Variants in GRIA4 observed in about 807,000 individuals in gnomAD.
GRIA4 encodes glutamate receptor 4.
In GRIA4, 34 loss-of-function variants were observed where a neutral mutation model predicts 104.0. The ratio of observed to expected loss-of-function variants is 0.33; its 90% CI spans 0.25 to 0.44. The LOEUF is 0.44. GRIA4 is among the 20% of genes least tolerant of loss of function. GRIA4 has a pLI of 1.00. For missense variants in GRIA4, 750 were observed against 1,096.5 expected, an observed-to-expected ratio of 0.68 and a Z score of 4.46; for synonymous variants, 386 against 381.9, an observed-to-expected ratio of 1.01 and a Z score of -0.13.
At chr11:105,892,697 T>A (rs1946500528) in intron 6 of GRIA4, among the ~76,000 whole-genome samples, 1 of 152,122 alleles carries the variant, frequency 6.6e-6, no homozygotes, top group Non-Finnish European at 1.5e-5. Context: ...GTGCTTCCCG[T>A]TTTTTAACTT....
At chr11:105,618,772 C>T (rs1950664776) in intron 3 of GRIA4, among the ~76,000 whole-genome samples, 1 of 151,610 alleles carries the variant, frequency 6.6e-6, no homozygotes, top group African/African-American at 2.4e-5. Flanking sequence ...ATGAGATCAC[C>T]CAGAGAGAGC....
intron 3 of GRIA4, among the ~76,000 whole-genome samples, chr11:105,631,225 T>C (rs1280957104): frequency 6.6e-6 from 1 of 152,100 alleles, no homozygotes; most frequent in Non-Finnish European, 1.5e-5. Context: ...GCTGTGATTA[T>C]ATTGGGAAGG....
intron 4 of GRIA4, among the ~76,000 whole-genome samples, chr11:105,785,748 G>C (rs1263040204): frequency 6.6e-6 from 1 of 152,086 alleles, no homozygotes; most frequent in Non-Finnish European, 1.5e-5. Flanking sequence ...CTAAAATCAG[G>C]TAACTAAAAC....
At chr11:105,691,296 CA>C (rs893045087) in intron 3 of GRIA4, among the ~76,000 whole-genome samples, 2 of 150,910 alleles carry the variant, frequency 1.3e-5, no homozygotes, top group African/African-American at 2.4e-5. Context: ...TGAACAACAA[CA>C]AAAAAAATTG....
At chr11:105,865,277 C>T (rs905386080) in intron 5 of GRIA4, among the ~76,000 whole-genome samples, 3 of 152,110 alleles carry the variant, frequency 2.0e-5, no homozygotes, top group African/African-American at 7.2e-5. Flanking sequence ...ATTGAAACCA[C>T]AAAGTTAGAT....
chr11:105,710,980 G>A (rs1953889074), intron 3 of GRIA4, among the ~76,000 whole-genome samples: 2 of 151,350 alleles, frequency 1.3e-5, no homozygotes, highest in Non-Finnish European at 3.0e-5. Context: ...TTTTTTTCTT[G>A]GTGGAGCCAT....
intron 4 of GRIA4, among the ~76,000 whole-genome samples, chr11:105,776,745 A>G (rs935986732): frequency 1.3e-5 from 2 of 152,160 alleles, no homozygotes; most frequent in Non-Finnish European, 2.9e-5. Context: ...CTCTCCCCAC[A>G]TAGCAGAGAG....
At position 105,786,653 on chromosome 11, in the gene GRIA4, G is replaced by A. The variant is rs145615858; in HGVS notation, c.487+33433G>A. On this transcript the variant is annotated intron_variant, in intron 4 of 16. Transcript: ENST00000282499. ...GAGGGAAAAATCTTTCCCCCAGAAA[G>A]GTTTTTTATTAAACGTGTATGTGTG... 1.2e-4 allele frequency among the ~76,000 whole-genome samples: 19 copies of A among 152,190 alleles called. 1 individual carries two copies. The East Asian group carries it at 3.5e-3, about 28-fold the overall frequency.
chr11:105,640,860 T>A (rs952116700), intron 3 of GRIA4, among the ~76,000 whole-genome samples: 1 of 152,166 alleles, frequency 6.6e-6, no homozygotes, highest in East Asian at 1.9e-4. Context: ...CTCTTTTTAA[T>A]ATGTTTCTCA....
chr11:105,744,831 G>A lies in GRIA4; in HGVS notation c.248-8150G>A, dbSNP rs114581343. 3.3e-3 allele frequency among the ~76,000 whole-genome samples: 508 copies of A among 152,164 alleles called. 4 individuals are homozygous for A. Among genetic ancestry groups the A allele is most frequent in the African/African-American group, 0.012 (479 of 41,518 alleles). The stretch of plus-strand genomic sequence containing the variant: ...CGTTCTGCTCTCTTCCCATTTCCCA[G>A]GCCCAGTGTAACCACATGTTATGTG... On this transcript the variant is annotated intron_variant, in intron 3 of 16. Transcript: ENST00000282499.
chr11:105,758,138 G>T (rs1480545588), intron 4 of GRIA4, among the ~76,000 whole-genome samples: 1 of 152,094 alleles, frequency 6.6e-6, no homozygotes, highest in African/African-American at 2.4e-5. Context: ...TGGCTACTCT[G>T]GAGGCTGAGG....
intron 4 of GRIA4, among the ~76,000 whole-genome samples, chr11:105,779,426 T>G (rs1309073102): frequency 6.6e-6 from 1 of 151,872 alleles, no homozygotes; most frequent in South Asian, 2.1e-4. Context: ...CTTCACAGAA[T>G]TGGAAAAAAC....
intron 5 of GRIA4, among the ~76,000 whole-genome samples, chr11:105,879,057 G>A (rs1945947873): frequency 1.3e-5 from 2 of 152,230 alleles, no homozygotes; most frequent in African/African-American, 2.4e-5. Flanking sequence ...TGCAGGTTGT[G>A]AAGACTGTGG....
chr11:105,968,498 C>T (rs374660537), intron 14 of GRIA4, among the ~76,000 whole-genome samples: 1 of 152,198 alleles, frequency 6.6e-6, no homozygotes, highest in South Asian at 2.1e-4. Flanking sequence ...CAGCCACTCT[C>T]AGTGCTGTGA....
At chr11:105,640,028 TGG>T (rs1951315885) in intron 3 of GRIA4, among the ~76,000 whole-genome samples, 2 of 151,958 alleles carry the variant, frequency 1.3e-5, no homozygotes, top group African/African-American at 4.8e-5. Flanking sequence ...AAATGATTAA[TGG>T]GAAAAATAGG....
chr11:105,763,743 A>G (rs1014941762), intron 4 of GRIA4, among the ~76,000 whole-genome samples: 3 of 152,176 alleles, frequency 2.0e-5, no homozygotes, highest in Non-Finnish European at 2.9e-5. Flanking sequence ...TGTCATTGCC[A>G]TTTGGAAGGT....
rs536092814 is a variant in GRIA4 at position 105,708,792 on chromosome 11, G to A, written c.248-44189G>A. ...AGGAAAGGCTAGAATAAGCACTCCT[G>A]TGTTGGGTTGAAATAAGAATGAGTT... On this transcript the variant is annotated intron_variant, in intron 3 of 16. Coordinates refer to ENST00000282499, the MANE Select transcript of GRIA4 (RefSeq NM_000829.4). Among the ~76,000 whole-genome samples, 3 of 152,104 alleles carry A rather than the reference G, an allele frequency of 2.0e-5. No homozygotes were observed. The South Asian group carries it at 6.2e-4, about 31-fold the overall frequency.
intron 3 of GRIA4, among the ~76,000 whole-genome samples, chr11:105,637,599 A>G (rs974149299): frequency 1.3e-5 from 2 of 152,148 alleles, no homozygotes; most frequent in Non-Finnish European, 1.5e-5. Flanking sequence ...AAAACATGTA[A>G]ATAGATAGTT....
intron 14 of GRIA4, among the ~76,000 whole-genome samples, chr11:105,966,319 T>G (rs1858365060): frequency 6.6e-6 from 1 of 152,202 alleles, no homozygotes; most frequent in Non-Finnish European, 1.5e-5. Flanking sequence ...GTTATAAGTC[T>G]ATGAATCTCA....
Sources: allele counts gnomAD v4.1 joint callset (sites outside exome capture counted in the v4.1 genomes callset), GRCh38; gene constraint gnomAD v4.1.1; transcripts MANE v1.5; gene names NCBI Gene and HGNC (gene_info 2026-07-23, HGNC 2026-07-21).